SP3: variants seen among roughly 807,000 people sequenced by gnomAD.
SP3 encodes transcription factor Sp3.
SP3 carries 10 observed loss-of-function variants against 70.3 expected under a neutral mutation model. That is an observed-to-expected ratio of 0.14 (90% CI 0.09 to 0.24). SP3 has a LOEUF of 0.24. SP3 is among the 10% of genes least tolerant of loss of function. The pLI is 1.00. For synonymous variants in SP3, 402 were observed against 333.5 expected (o/e 1.21, Z -2.24); for missense variants, 825 against 914.6 (o/e 0.90, Z 1.26).
At chr2:173,948,081 C>T (rs1321863155) in intron 4 of SP3, among the ~76,000 whole-genome samples, 3 of 152,186 alleles carry the variant, frequency 2.0e-5, no homozygotes, top group Non-Finnish European at 2.9e-5. Context: ...AGCCCTACTC[C>T]AGGCTCTTGT....
chr2:173,962,804 T>C (rs1009678955), intron 3 of SP3, among the ~76,000 whole-genome samples: 2 of 151,670 alleles, frequency 1.3e-5, no homozygotes, highest in African/African-American at 4.9e-5. Context: ...ATTATTTTAA[T>C]AGGTGAACAA....
chr2:173,963,320 T>C (rs1691147728), intron 3 of SP3: 1 of 152,198 alleles, frequency 6.6e-6, no homozygotes, highest in Non-Finnish European at 1.5e-5. Context: ...AATGTATGAT[T>C]TAAAGCAGTA....
chr2:173,924,932 G>C (rs918098343), intron 4 of SP3, among the ~76,000 whole-genome samples: 4 of 152,252 alleles, frequency 2.6e-5, no homozygotes, highest in African/African-American at 9.6e-5. Context: ...ACATCGCCCA[G>C]GCTGGAGTGC....
At chr2:173,960,275 G>A (rs775899639) in intron 3 of SP3, among the ~76,000 whole-genome samples, 1 of 152,096 alleles carries the variant, frequency 6.6e-6, no homozygotes, top group Admixed American at 6.5e-5. Flanking sequence ...CGGTGGAAAC[G>A]GAAAAAGAAA....
intron 3 of SP3, among the ~76,000 whole-genome samples, chr2:173,959,588 T>C (rs1409444619): frequency 6.6e-6 from 1 of 151,814 alleles, no homozygotes; most frequent in Non-Finnish European, 1.5e-5. Context: ...TAGCCGGGCA[T>C]GGTGTACATC....
intron 4 of SP3, among the ~76,000 whole-genome samples, chr2:173,932,193 A>G (rs748732929): frequency 6.6e-6 from 1 of 152,102 alleles, no homozygotes; most frequent in Admixed American, 6.6e-5. Context: ...CAATTTGCCT[A>G]GTTTTTTCTT....
At chr2:173,936,321 G>A (rs1398991476) in intron 4 of SP3, among the ~76,000 whole-genome samples, 1 of 152,016 alleles carries the variant, frequency 6.6e-6, no homozygotes, top group Non-Finnish European at 1.5e-5. Flanking sequence ...GCCTGGCCCC[G>A]CTCCTACCTT....
At position 173,965,233 on chromosome 2, in the gene SP3, G is replaced by T. The variant is rs1691256843; in HGVS notation, c.-62C>A. 1 of 1,503,228 alleles carries T rather than the reference G, an allele frequency of 6.7e-7. No homozygotes were observed. Among genetic ancestry groups the T allele is most frequent in the Non-Finnish European group, 9.0e-7 (1 of 1,112,866 alleles). The allele number at this position is 1,503,228 out of a possible 1,614,324, so 93.1% of individuals were successfully genotyped here. On this transcript the variant is annotated 5_prime_UTR_variant, in exon 1 of 7. Transcript: ENST00000310015. ...GCCTTACACATGGTGAGGAGCGAAG[G>T]CGGCGGCGGCGGGAGAGGATGCGGG...
Position 173,905,970 on chromosome 2 carries a change from G to T in SP3, c.*3971C>A, listed in dbSNP as rs921416675. Among the ~76,000 whole-genome samples the T allele has an allele frequency of 6.6e-6, 1 of 152,176 alleles. No individual in the cohort carries two copies. Among genetic ancestry groups the T allele is most frequent in the Admixed American group, 6.5e-5 (1 of 15,280 alleles). On this transcript the variant is annotated 3_prime_UTR_variant, in exon 7 of 7. Coordinates refer to ENST00000310015, the MANE Select transcript of SP3 (RefSeq NM_003111.5). ...AGCCATGATTGCACCACTGCACTGT[G>T]TGACAGAGACAGACCCTGTCAAATA... is the stretch of plus-strand genomic sequence containing the variant.
chr2:173,910,387 T>C, intron 6 of SP3, 130 bp from the exon 7 acceptor site: 1 of 670,618 alleles, frequency 1.5e-6, no homozygotes. Flanking sequence ...TAAAATTGTA[T>C]TCATTTTACG....
chr2:173,940,653 A>C (rs1690345055), intron 4 of SP3, among the ~76,000 whole-genome samples: 1 of 152,202 alleles, frequency 6.6e-6, no homozygotes, highest in Non-Finnish European at 1.5e-5. Flanking sequence ...CAGCAGCTAA[A>C]GGTAGCTGGA....
intron 4 of SP3, among the ~76,000 whole-genome samples, chr2:173,929,628 A>G (rs1361202335): frequency 6.6e-6 from 1 of 152,218 alleles, no homozygotes; most frequent in African/African-American, 2.4e-5. Flanking sequence ...CTGTCCTGGA[A>G]GGTGGGGAAT....
At chr2:173,944,879 G>A (rs1171652446) in intron 4 of SP3, among the ~76,000 whole-genome samples, 1 of 152,222 alleles carries the variant, frequency 6.6e-6, no homozygotes, top group African/African-American at 2.4e-5. Flanking sequence ...CACTTTGGGA[G>A]GCCAAGGCAG....
chr2:173,952,603 C>T (rs1382749620), intron 4 of SP3, among the ~76,000 whole-genome samples: 1 of 152,186 alleles, frequency 6.6e-6, no homozygotes, highest in African/African-American at 2.4e-5. Context: ...ATACTACCTA[C>T]ACAAATGTTC....
chr2:173,950,283 AAAAC>A (rs931491726), intron 4 of SP3, among the ~76,000 whole-genome samples: 2 of 152,116 alleles, frequency 1.3e-5, no homozygotes, highest in African/African-American at 2.4e-5. Flanking sequence ...AAACTTAACA[AAAAC>A]AAACAAAAAG....
chr2:173,948,415 T>C (rs552583526), intron 4 of SP3, among the ~76,000 whole-genome samples: 1 of 152,272 alleles, frequency 6.6e-6, no homozygotes, highest in East Asian at 1.9e-4. Context: ...CTATCCACTA[T>C]ACATGCTACC....
At position 173,933,264 on chromosome 2, in the gene SP3, A is replaced by G. The variant is rs186726250; in HGVS notation, c.1640-14479T>C. On this transcript the variant is annotated intron_variant, in intron 4 of 6. Coordinates refer to ENST00000310015, the MANE Select transcript of SP3 (RefSeq NM_003111.5). ...AAATGTTTTACATTCTATTTTTTAT[A>G]CTAAAACTTGAAAATTCAATTTGTA... 3.0e-3 allele frequency among the ~76,000 whole-genome samples: 462 copies of G among 152,232 alleles called. 4 individuals are homozygous for G. Among genetic ancestry groups the G allele is most frequent in the African/African-American group, 0.01 (428 of 41,544 alleles).
chr2:173,935,999 A>T (rs1483282063), intron 4 of SP3, among the ~76,000 whole-genome samples: 1 of 151,966 alleles, frequency 6.6e-6, no homozygotes, highest in African/African-American at 2.4e-5. Flanking sequence ...CTCCCTGTTT[A>T]AATAAAGTAG....
At chr2:173,954,830 T>C (rs781118286) in intron 4 of SP3, 43 bp downstream of exon 4, 1 of 1,578,282 alleles carries the variant, frequency 6.3e-7, no homozygotes, top group Non-Finnish European at 8.6e-7. Flanking sequence ...CTCTATGTAT[T>C]ATCACTGAAC....
Sources: gnomAD v4.1 joint callset for allele counts (sites outside exome capture counted in the v4.1 genomes callset) on GRCh38, gnomAD v4.1.1 for gene constraint, MANE v1.5 for transcripts, NCBI Gene and HGNC (gene_info 2026-07-23, HGNC 2026-07-21) for gene names.